Variants in FAT4 observed in about 807,000 individuals in gnomAD.
The protein encoded by FAT4 is FAT atypical cadherin 4.
FAT4 carries 84 observed loss-of-function variants against 303.9 expected under a neutral mutation model. The ratio of observed to expected loss-of-function variants is 0.28; its 90% CI spans 0.23 to 0.33. The LOEUF (loss-of-function observed/expected upper bound fraction) is 0.33, where lower values mean the gene tolerates loss of function less well. Among genes scored for constraint, FAT4 ranks in the 10% least tolerant of loss-of-function variants. FAT4 has a pLI of 1.00. For missense variants in FAT4, 6,005 were observed against 6,146.8 expected, an observed-to-expected ratio of 0.98 and a Z score of 0.77; for synonymous variants, 2,307 against 2,298.8, an observed-to-expected ratio of 1.00 and a Z score of -0.10.
intron 2 of FAT4, among the ~76,000 whole-genome samples, chr4:125,364,610 A>G (rs1732796210): frequency 6.6e-6 from 1 of 152,124 alleles, no homozygotes; most frequent in South Asian, 2.1e-4. Flanking sequence ...TAACTAGGCC[A>G]TCTTCAGTGG....
In FAT4 at chr4:125,487,357, A is replaced by G; in HGVS notation, c.12835A>G (p.Lys4279Glu). 6.2e-7 allele frequency: 1 copy of G among 1,611,614 alleles called. No individual in the cohort carries two copies. The highest frequency in any genetic ancestry group is 1.7e-5 in the Admixed American group (1 of 59,936). The change falls in exon 17 of 18, where the codon AAA becomes GAA. Residue 4279 changes from lysine (K) to glutamate (E), a missense_variant. By Grantham distance (56) the Lys-to-Glu change is moderately conservative (BLOSUM62 1). Coordinates refer to ENST00000394329, the MANE Select transcript of FAT4 (RefSeq NM_001291303.3). ...NYTTVKIKNG[K>E]VYFTSDAGIA... Reference sequence around the variant, plus strand: ...ATATGTTTTACAGATTAAGAATGGCAAAGTATATTTTACATCCGATGCAGG... The same window carrying G: ...ATATGTTTTACAGATTAAGAATGGCGAAGTATATTTTACATCCGATGCAGG...
chr4:125,319,916 C>A lies in FAT4; in HGVS notation c.3505C>A (p.Arg1169=). 1 of 1,613,886 alleles carries A rather than the reference C, an allele frequency of 6.2e-7. No homozygotes were observed. The highest frequency in any genetic ancestry group is 1.3e-5 in the African/African-American group (1 of 75,012). Residue 1169 remains arginine (R), a synonymous_variant, in exon 2 of 18, where the codon CGG becomes AGG. Transcript: ENST00000394329. Reference sequence around the variant, plus strand: ...GTTTGACAGGGAGTCTCTTATGAGGCGGAGAGGGACTGCTGTGTTTAGCTT... The same window carrying A: ...GTTTGACAGGGAGTCTCTTATGAGGAGGAGAGGGACTGCTGTGTTTAGCTT... The part of the protein sequence containing the change: ...HQFDRESLMR[R]RGTAVFSFTV...
chr4:125,325,826 T>G (rs1731129380), intron 2 of FAT4, among the ~76,000 whole-genome samples: 1 of 152,262 alleles, frequency 6.6e-6, no homozygotes, highest in Non-Finnish European at 1.5e-5. Flanking sequence ...TAAAGTACTT[T>G]GGATCTACTG....
At chr4:125,420,253 C>A (rs767895126) in intron 7 of FAT4, among the ~76,000 whole-genome samples, 10 of 152,094 alleles carry the variant, frequency 6.6e-5, no homozygotes, top group Non-Finnish European at 1.3e-4. Flanking sequence ...TTTACCTTAT[C>A]CTTCTCTATC....
chr4:125,441,884 T>G (rs1202836864), intron 8 of FAT4, among the ~76,000 whole-genome samples: 1 of 152,178 alleles, frequency 6.6e-6, no homozygotes, highest in Non-Finnish European at 1.5e-5. Flanking sequence ...TTTGCTCAAT[T>G]TATTCTATAT....
chr4:125,422,403 A>G (rs1269618563), intron 7 of FAT4, among the ~76,000 whole-genome samples: 2 of 152,140 alleles, frequency 1.3e-5, no homozygotes, highest in African/African-American at 4.8e-5. Context: ...GTGTCATGGG[A>G]GGGACCTGGT....
chr4:125,398,334 A>T (rs1734259193), intron 2 of FAT4, among the ~76,000 whole-genome samples: 1 of 152,154 alleles, frequency 6.6e-6, no homozygotes, highest in Non-Finnish European at 1.5e-5. Context: ...TTCTTAAAAC[A>T]ACATGTGAAC....
intron 2 of FAT4, among the ~76,000 whole-genome samples, chr4:125,335,794 C>A (rs766728939): frequency 6.6e-6 from 1 of 151,802 alleles, no homozygotes; most frequent in Non-Finnish European, 1.5e-5. Context: ...CTTAACTTTT[C>A]ATGCTGTGTG....
At chr4:125,433,165 C>T (rs1439548905) in intron 7 of FAT4, among the ~76,000 whole-genome samples, 8 of 152,090 alleles carry the variant, frequency 5.3e-5, no homozygotes, top group East Asian at 1.9e-4. Flanking sequence ...GGTTGTGAAT[C>T]TCAATACCAT....
chr4:125,459,979 G>T (rs1224056011), intron 10 of FAT4, among the ~76,000 whole-genome samples: 1 of 151,994 alleles, frequency 6.6e-6, no homozygotes, highest in Non-Finnish European at 1.5e-5. Context: ...TGAGAAATAT[G>T]CATTTAGAAG....
At position 125,449,804 on chromosome 4, in the gene FAT4, A is replaced by C; in HGVS notation, c.8794A>C (p.Lys2932Gln). ...TGCCACCACTGGAGAGATTTTCAAT[A>C]AACAGATCTTAAAATACCAAAATGT... ...INATTGEIFN[K>Q]QILKYQNVTG... Residue 2932 changes from lysine to glutamine, a missense_variant, in exon 10 of 18, where the codon AAA becomes CAA. Coordinates refer to ENST00000394329, the MANE Select transcript of FAT4 (RefSeq NM_001291303.3). The C allele has an allele frequency of 6.2e-7, 1 of 1,613,862 alleles. No individual in the cohort carries two copies. The highest frequency in any genetic ancestry group is 8.5e-7 in the Non-Finnish European group (1 of 1,179,892).
At chr4:125,444,179 C>A (rs1265200294) in intron 8 of FAT4, among the ~76,000 whole-genome samples, 1 of 152,092 alleles carries the variant, frequency 6.6e-6, no homozygotes, top group East Asian at 1.9e-4. Context: ...GCTGCTATAG[C>A]TACAGACTGG....
chr4:125,487,296 T>C, intron 16 of FAT4, 49 bp from the exon 17 acceptor site: 1 of 1,537,870 alleles, frequency 6.5e-7, no homozygotes, highest in South Asian at 1.2e-5. Context: ...TGATTTTTAT[T>C]TAAGCATACC....
chr4:125,329,429 T>C (rs1578527297), intron 2 of FAT4, among the ~76,000 whole-genome samples: 1 of 152,238 alleles, frequency 6.6e-6, no homozygotes, highest in Non-Finnish European at 1.5e-5. Flanking sequence ...CATCATATTC[T>C]GTGACTTTTT....
chr4:125,336,110 T>TA (rs978764606), intron 2 of FAT4, among the ~76,000 whole-genome samples: 27 of 152,088 alleles, frequency 1.8e-4, no homozygotes, highest in African/African-American at 6.5e-4. Flanking sequence ...AGACCAATCT[T>TA]ACAAATTCTG....
chr4:125,490,382 C>G lies in FAT4; in HGVS notation c.13566C>G (p.Val4522=). ...GSCATVLALL[V]LSLILCNQCR... is the part of the protein sequence containing the mutation. ...GCGCAACCGTCTTGGCCCTCCTGGT[C>G]CTTAGCCTGATCCTGTGTAACCAGT... The change falls in exon 18 of 18, where the codon GTC becomes GTG. Residue 4522 remains valine, a synonymous_variant. Coordinates refer to ENST00000394329, the MANE Select transcript of FAT4 (RefSeq NM_001291303.3). 6.2e-7 allele frequency: 1 copy of G among 1,614,088 alleles called. No homozygotes were observed. The highest frequency in any genetic ancestry group is 2.2e-5 in the East Asian group (1 of 44,816).
rs558485221 is a variant in FAT4, at chr4:125,382,299, G to A, written c.5176-16485G>A. 5.9e-5 allele frequency among the ~76,000 whole-genome samples: 9 copies of A among 152,190 alleles called. No homozygotes were observed. In the South Asian group the frequency reaches 8.3e-4, roughly 14 times the overall value. ...ATAGCCTTACAAGATGTATTTCTTCGATCATAAGACTTGAAAGTTTAGATT... is the reference window on the plus strand; with the variant it reads ...ATAGCCTTACAAGATGTATTTCTTCAATCATAAGACTTGAAAGTTTAGATT... On this transcript the variant is annotated intron_variant, in intron 2 of 17. Coordinates refer to ENST00000394329, the MANE Select transcript of FAT4 (RefSeq NM_001291303.3).
intron 16 of FAT4, among the ~76,000 whole-genome samples, chr4:125,486,957 A>G (rs1441757051): frequency 6.6e-6 from 1 of 152,070 alleles, no homozygotes; most frequent in Non-Finnish European, 1.5e-5. Context: ...TTTTAGTACT[A>G]TGGGCCTTTT....
At position 125,316,489 on chromosome 4, in the gene FAT4, A is replaced by G; in HGVS notation, c.78A>G (p.Arg26=). The change falls in exon 2 of 18, where the codon CGA becomes CGG. Residue 26 remains arginine (R), a synonymous_variant. Coordinates refer to ENST00000394329, the MANE Select transcript of FAT4 (RefSeq NM_001291303.3). This position sits in a 1 kb window ranked among gnomAD's most constrained non-coding sequence, Gnocchi z 5.7. ...LHTLSVSQLL[R]VFWLLSLLPG... is the part of the protein sequence containing the mutation. The stretch of plus-strand genomic sequence containing the variant: ...CTCTATCAGTATCTCAGCTCCTTCG[A>G]GTGTTTTGGCTACTGTCATTGCTTC... The G allele has an allele frequency of 1.9e-6, 3 of 1,613,704 alleles. No homozygotes were observed. The highest frequency in any genetic ancestry group is 2.5e-6 in the Non-Finnish European group (3 of 1,179,976).
Sources: gnomAD v4.1 joint callset for allele counts (sites outside exome capture counted in the v4.1 genomes callset) on GRCh38, gnomAD v4.1.1 for gene constraint, Gnocchi (gnomAD v3.1) non-coding constraint, MANE v1.5 for transcripts, NCBI Gene and HGNC (gene_info 2026-07-23, HGNC 2026-07-21) for gene names.